PSD2: variants seen among roughly 807,000 people sequenced by gnomAD.
PSD2 encodes the protein PH and SEC7 domain-containing protein 2.
A neutral mutation model predicts 69.8 loss-of-function variants in PSD2; 38 were observed. The observed-to-expected ratio is 0.54, with a 90% CI of 0.42 to 0.71. The LOEUF is 0.71. Among genes scored for constraint, PSD2 ranks in the 30% least tolerant of loss-of-function variants. The probability of loss-of-function intolerance (pLI) is 0.00; values close to 1 mark genes in which losing one functional copy is unlikely to be tolerated. For missense variants in PSD2, 943 were observed against 1,014.5 expected, an observed-to-expected ratio of 0.93 and a Z score of 0.96; for synonymous variants, 412 against 423.0, an observed-to-expected ratio of 0.97 and a Z score of 0.32.
At chr5:139,768,243 A>C in the PSD2 span, among the ~76,000 whole-genome samples, 1 of 152,250 alleles carries the variant, frequency 6.6e-6, no homozygotes, top group African/African-American at 2.4e-5. Flanking sequence ...GACAGGCCCC[A>C]GCTGGGAGAG....
Position 139,813,643 on chromosome 5 carries a change from A to G in PSD2, c.706A>G (p.Ser236Gly), listed in dbSNP as rs1760034442. 4 of 1,613,722 alleles carry G rather than the reference A, an allele frequency of 2.5e-6. No individual in the cohort carries two copies. Among genetic ancestry groups the G allele is most frequent in the Non-Finnish European group, 3.4e-6 (4 of 1,179,954 alleles). ...ISSSRSENVL[S>G]RLSLMAMPNG... ...CAGCAGCCGCTCTGAGAATGTCCTG[A>G]GCCGCCTGTCTCTCATGGCCATGCC... Residue 236 changes from serine (S) to glycine (G), a missense_variant, in exon 3 of 15, where the codon AGC becomes GGC. This residue lies in a region of PSD2 where 466 missense variants were observed against 445.0 expected (regional missense o/e 1.05). Transcript: ENST00000274710.
chr5:139,802,260 G>C (rs1759692487), intron 1 of PSD2, among the ~76,000 whole-genome samples: 1 of 151,946 alleles, frequency 6.6e-6, no homozygotes, highest in African/African-American at 2.4e-5. Context: ...AGAATGTGAG[G>C]ACTTAGAGGG....
chr5:139,769,161 G>A, the PSD2 span, among the ~76,000 whole-genome samples: 1 of 152,036 alleles, frequency 6.6e-6, no homozygotes, highest in Non-Finnish European at 1.5e-5. Context: ...GAGGGAGTGT[G>A]CATAGTCTGA....
At chr5:139,786,758 C>T in the PSD2 span, among the ~76,000 whole-genome samples, 9 of 152,120 alleles carry the variant, frequency 5.9e-5, no homozygotes, top group African/African-American at 1.2e-4. Context: ...GGAATGGGGA[C>T]GGCTTCTTCC....
chr5:139,820,758 C>T (rs1346500630), intron 5 of PSD2, among the ~76,000 whole-genome samples: 11 of 152,092 alleles, frequency 7.2e-5, no homozygotes, highest in East Asian at 5.8e-4. Context: ...AGAGGAAGGA[C>T]GGGTGTCCTG....
At chr5:139,786,856 G>A in the PSD2 span, among the ~76,000 whole-genome samples, 2 of 152,140 alleles carry the variant, frequency 1.3e-5, no homozygotes, top group Admixed American at 1.3e-4. Flanking sequence ...CAGTGCAGAA[G>A]AGCACTGGGC....
At chr5:139,796,823 A>G (rs1759544364) in intron 1 of PSD2, among the ~76,000 whole-genome samples, 4 of 152,226 alleles carry the variant, frequency 2.6e-5, no homozygotes, top group Non-Finnish European at 2.9e-5. Context: ...GGAAGAGAAC[A>G]GGGAGCAGAA....
At chr5:139,768,977 G>A in the PSD2 span, among the ~76,000 whole-genome samples, 3 of 152,126 alleles carry the variant, frequency 2.0e-5, no homozygotes, top group Non-Finnish European at 4.4e-5. Context: ...TTGGGGTCTG[G>A]GGCTATTGCC....
chr5:139,813,646 C>T lies in PSD2; in HGVS notation c.709C>T (p.Arg237Cys), dbSNP rs148078431. The T allele has an allele frequency of 1.6e-3, 2,647 of 1,613,804 alleles. 5 individuals carry two copies. The highest frequency in any genetic ancestry group is 2.0e-3 in the Non-Finnish European group (2,322 of 1,179,958). ...CAGCCGCTCTGAGAATGTCCTGAGC[C>T]GCCTGTCTCTCATGGCCATGCCCAA... ...SSSRSENVLSRLSLMAMPNGF... is the reference protein window; with the variant it reads ...SSSRSENVLSCLSLMAMPNGF... The change falls in exon 3 of 15, where the codon CGC (arginine) becomes TGC (cysteine). Residue 237 changes from arginine (R) to cysteine (C), a missense_variant. This residue lies in a region of PSD2 where 466 missense variants were observed against 445.0 expected (regional missense o/e 1.05). Coordinates refer to ENST00000274710, the MANE Select transcript of PSD2 (RefSeq NM_032289.4).
intron 2 of PSD2, among the ~76,000 whole-genome samples, chr5:139,811,617 C>T (rs184473814): frequency 5.3e-4 from 80 of 152,012 alleles, no homozygotes; most frequent in African/African-American, 1.7e-3. Flanking sequence ...TTATTTGAGA[C>T]GGAGTCTTAC....
the PSD2 span, among the ~76,000 whole-genome samples, chr5:139,781,356 G>A: frequency 1.3e-5 from 2 of 150,782 alleles, no homozygotes; most frequent in Non-Finnish European, 3.0e-5. Flanking sequence ...TTTTTTCTGA[G>A]ACGGAGTCTT....
chr5:139,842,264 T>G lies in PSD2; in HGVS notation c.2113-7T>G. On this transcript the variant is annotated splice_polypyrimidine_tract_variant and splice_region_variant and intron_variant, in intron 14 of 14. Transcript: ENST00000274710. ...GTCTTTTGACCTTGTGTTTGGCCTTTCCCCAGAAAAGCCGTTATGAGACCT... is the reference window on the plus strand; with the variant it reads ...GTCTTTTGACCTTGTGTTTGGCCTTGCCCCAGAAAAGCCGTTATGAGACCT... 6.2e-7 allele frequency: 1 copy of G among 1,613,264 alleles called. No homozygotes were observed. Among genetic ancestry groups the G allele is most frequent in the Non-Finnish European group, 8.5e-7 (1 of 1,179,236 alleles).
chr5:139,844,409 C>T lies in PSD2; in HGVS notation c.*1935C>T, dbSNP rs192964649. ...AATATTATGTACATTATAAAACATA[C>T]ACAAAAATAGAAATTTAAAAAAGAT... On this transcript the variant is annotated 3_prime_UTR_variant, in exon 15 of 15. Transcript: ENST00000274710. The T allele has an allele frequency of 2.0e-5, 3 of 152,286 alleles. No homozygotes were observed. The highest frequency in any genetic ancestry group is 6.5e-5 in the Admixed American group (1 of 15,302). The allele number at this position is 152,286 out of a possible 1,614,324, so 9.4% of individuals were successfully genotyped here.
At chr5:139,816,012 A>AAAAAG (rs1561598618) in intron 4 of PSD2, among the ~76,000 whole-genome samples, 5 of 149,928 alleles carry the variant, frequency 3.3e-5, no homozygotes, top group African/African-American at 7.5e-5. Context: ...AAAAAAAAAA[A>AAAAAG]AAAAGAAAAT....
At chr5:139,838,804 C>G in intron 13 of PSD2, 32 bp downstream of exon 13, 4 of 1,596,890 alleles carry the variant, frequency 2.5e-6, no homozygotes, top group African/African-American at 1.3e-5. Context: ...TTTTGCCTCC[C>G]CAGGCTGCCA....
At chr5:139,770,196 G>A in the PSD2 span, among the ~76,000 whole-genome samples, 1 of 152,160 alleles carries the variant, frequency 6.6e-6, no homozygotes, top group Non-Finnish European at 1.5e-5. Context: ...TGACAGCCCT[G>A]AGGGACCTCA....
intron 1 of PSD2, among the ~76,000 whole-genome samples, chr5:139,804,069 G>C (rs1364370685): frequency 6.6e-6 from 1 of 152,184 alleles, no homozygotes. Flanking sequence ...GCTGTTCAGG[G>C]TCTGTTTTGA....
intron 7 of PSD2, among the ~76,000 whole-genome samples, chr5:139,832,805 C>T (rs1032017467): frequency 6.6e-6 from 1 of 152,134 alleles, no homozygotes; most frequent in Non-Finnish European, 1.5e-5. Context: ...TTTTCTCAAA[C>T]GTGGGGACTC....
At chr5:139,743,649 G>A in the PSD2 span, 2 of 152,810 alleles carry the variant, frequency 1.3e-5, no homozygotes, top group Non-Finnish European at 2.9e-5. Flanking sequence ...TAATTGTGTG[G>A]GAGAGGTGAA....
Sources: gnomAD v4.1 joint callset for allele counts (sites outside exome capture counted in the v4.1 genomes callset) on GRCh38, gnomAD v4.1.1 for gene constraint, gnomAD v4.1.1 regional missense constraint, MANE v1.5 for transcripts, NCBI Gene and HGNC (gene_info 2026-07-23, HGNC 2026-07-21) for gene names.